The following CNTNAP2 variants were observed in gnomAD, a reference collection of about 807,000 sequenced individuals.
The protein encoded by CNTNAP2 is contactin associated protein 2.
CNTNAP2 carries 98 observed loss-of-function variants against 155.2 expected under a neutral mutation model. That is an observed-to-expected ratio of 0.63 (90% CI 0.54 to 0.75). The LOEUF is 0.75. Among genes scored for constraint, CNTNAP2 ranks in the 30% least tolerant of loss-of-function variants. The pLI, the probability that CNTNAP2 is intolerant of heterozygous loss-of-function variation, is 0.00. For synonymous variants in CNTNAP2, 651 were observed against 631.2 expected, an observed-to-expected ratio of 1.03 and a Z score of -0.47; for missense variants, 1,727 against 1,688.1, an observed-to-expected ratio of 1.02 and a Z score of -0.40.
intron 13 of CNTNAP2, among the ~76,000 whole-genome samples, chr7:147,887,270 G>A (rs181796054): frequency 2.6e-5 from 4 of 152,120 alleles, no homozygotes; most frequent in Non-Finnish European, 5.9e-5. Context: ...TCAGGAGTTC[G>A]AGACCAGCTT....
rs377677594 is a variant in CNTNAP2, at chr7:147,887,305, C to G, written c.2099-16260C>G. On this transcript the variant is annotated intron_variant, in intron 13 of 23. Coordinates refer to ENST00000361727, the MANE Select transcript of CNTNAP2 (RefSeq NM_014141.6). ...TGGCCAACATGGTGAAACCCCATCTCTACTAAAATACAAAAATTAGCCAGA... is the reference window on the plus strand; with the variant it reads ...TGGCCAACATGGTGAAACCCCATCTGTACTAAAATACAAAAATTAGCCAGA... Among the ~76,000 whole-genome samples, 54 of 152,202 alleles carry G rather than the reference C, an allele frequency of 3.5e-4. 1 individual carries two copies. Among genetic ancestry groups the G allele is most frequent in the African/African-American group, 1.1e-3 (47 of 41,518 alleles).
intron 21 of CNTNAP2, among the ~76,000 whole-genome samples, chr7:148,289,408 T>C (rs1797151044): frequency 6.6e-6 from 1 of 152,182 alleles, no homozygotes; most frequent in Non-Finnish European, 1.5e-5. Context: ...ACTGTCTTGA[T>C]GGGAGTTTTC....
At chr7:146,827,457 C>A (rs576322657) in intron 2 of CNTNAP2, among the ~76,000 whole-genome samples, 1 of 150,906 alleles carries the variant, frequency 6.6e-6, no homozygotes, top group African/African-American at 2.4e-5. Context: ...GCATCTTCAC[C>A]GAGTAATATT....
At chr7:146,721,801 CTA>C (rs1271161257) in intron 1 of CNTNAP2, among the ~76,000 whole-genome samples, 15 of 109,162 alleles carry the variant, frequency 1.4e-4, no homozygotes, top group African/African-American at 5.6e-4. Context: ...CATATATAGA[CTA>C]TATATAGTCT....
chr7:146,784,904 T>A (rs1802548705), intron 2 of CNTNAP2, among the ~76,000 whole-genome samples: 1 of 152,102 alleles, frequency 6.6e-6, no homozygotes, highest in Non-Finnish European at 1.5e-5. Flanking sequence ...TTTTTCTTTC[T>A]AAACCATTCA....
intron 3 of CNTNAP2, among the ~76,000 whole-genome samples, chr7:146,937,743 C>T (rs895145566): frequency 1.3e-5 from 2 of 152,006 alleles, no homozygotes; most frequent in African/African-American, 4.8e-5. Flanking sequence ...ATAAATAATG[C>T]CAACCTAAAA....
chr7:146,169,165 T>G (rs1459601842), intron 1 of CNTNAP2, among the ~76,000 whole-genome samples: 3 of 152,188 alleles, frequency 2.0e-5, no homozygotes, highest in Non-Finnish European at 4.4e-5. Flanking sequence ...CCAAGCACTT[T>G]TCTCTTCTCC....
At chr7:146,419,362 A>G (rs1263372558) in intron 1 of CNTNAP2, among the ~76,000 whole-genome samples, 1 of 152,060 alleles carries the variant, frequency 6.6e-6, no homozygotes, top group African/African-American at 2.4e-5. Context: ...TACAATTTCA[A>G]GATGAGATTT....
intron 1 of CNTNAP2, chr7:146,195,144 G>A (rs1320207255): frequency 6.6e-6 from 1 of 152,086 alleles, no homozygotes; most frequent in Non-Finnish European, 1.5e-5. Flanking sequence ...CTTCAGCCTT[G>A]GAAAGATAAA....
At chr7:147,789,030 A>G (rs894796039) in intron 13 of CNTNAP2, among the ~76,000 whole-genome samples, 2 of 146,264 alleles carry the variant, frequency 1.4e-5, no homozygotes, top group African/African-American at 5.1e-5. Context: ...TCAGCCTCCC[A>G]AGTAGCTGGG....
At chr7:147,016,576 T>C (rs1584785044) in intron 3 of CNTNAP2, among the ~76,000 whole-genome samples, 1 of 152,084 alleles carries the variant, frequency 6.6e-6, no homozygotes, top group Non-Finnish European at 1.5e-5. Context: ...TGAAGGCATA[T>C]TGACAGATGG....
At chr7:146,861,517 A>C (rs60908923) in intron 3 of CNTNAP2, among the ~76,000 whole-genome samples, 2 of 152,218 alleles carry the variant, frequency 1.3e-5, no homozygotes, top group African/African-American at 4.8e-5. Context: ...ATTTCTATTA[A>C]TCTGACACTT....
intron 10 of CNTNAP2, among the ~76,000 whole-genome samples, chr7:147,479,713 A>G (rs1210240943): frequency 2.0e-5 from 3 of 150,394 alleles, no homozygotes; most frequent in Non-Finnish European, 3.0e-5. Context: ...TGATTAATAG[A>G]TGTAGACCAA....
At chr7:148,015,298 T>C (rs1264997741) in intron 15 of CNTNAP2, among the ~76,000 whole-genome samples, 1 of 152,202 alleles carries the variant, frequency 6.6e-6, no homozygotes, top group Non-Finnish European at 1.5e-5. Flanking sequence ...GTGTAAGGGC[T>C]GATGTCCTCC....
intron 1 of CNTNAP2, among the ~76,000 whole-genome samples, chr7:146,688,103 G>A (rs962093593): frequency 5.3e-5 from 8 of 152,116 alleles, no homozygotes; most frequent in African/African-American, 1.9e-4. Context: ...CACATGGAGA[G>A]GGAATCCCAC....
chr7:147,594,502 CA>C (rs2116849551), intron 12 of CNTNAP2, among the ~76,000 whole-genome samples: 1 of 152,236 alleles, frequency 6.6e-6, no homozygotes, highest in South Asian at 2.1e-4. Context: ...TATGAATTAA[CA>C]AATAGCAGAT....
chr7:146,224,338 A>G (rs1562996202), intron 1 of CNTNAP2, among the ~76,000 whole-genome samples: 2 of 151,848 alleles, frequency 1.3e-5, no homozygotes, highest in Admixed American at 1.3e-4. Flanking sequence ...TGACGGTTTT[A>G]TTGTAATACA....
chr7:147,788,419 A>C (rs764727539), intron 13 of CNTNAP2, among the ~76,000 whole-genome samples: 7 of 152,156 alleles, frequency 4.6e-5, no homozygotes, highest in Non-Finnish European at 8.8e-5. Context: ...TGTTCTTACC[A>C]CTTATTTTCC....
At chr7:148,106,433 G>A (rs1426881436) in intron 15 of CNTNAP2, among the ~76,000 whole-genome samples, 1 of 149,382 alleles carries the variant, frequency 6.7e-6, no homozygotes, top group Non-Finnish European at 1.5e-5. Flanking sequence ...ACATTTTGAA[G>A]TTGTCATTCC....
Sources: gnomAD v4.1 joint callset for allele counts (sites outside exome capture counted in the v4.1 genomes callset) on GRCh38, gnomAD v4.1.1 for gene constraint, MANE v1.5 for transcripts, NCBI Gene and HGNC (gene_info 2026-07-23, HGNC 2026-07-21) for gene names.